IFT88: variants seen among roughly 807,000 people sequenced by gnomAD.
IFT88 encodes intraflagellar transport protein 88 homolog.
In IFT88, 74 loss-of-function variants were observed where a neutral mutation model predicts 119.5. That is an observed-to-expected ratio of 0.62 (90% CI 0.51 to 0.75). IFT88 has a LOEUF of 0.75. Among genes scored for constraint, IFT88 ranks in the 30% least tolerant of loss-of-function variants. The pLI, the probability that IFT88 is intolerant of heterozygous loss-of-function variation, is 0.00. For synonymous variants in IFT88, 279 were observed against 316.7 expected, an observed-to-expected ratio of 0.88 and a Z score of 1.26; for missense variants, 961 against 977.7, an observed-to-expected ratio of 0.98 and a Z score of 0.23.
intron 1 of IFT88, chr13:20,567,897 G>C: frequency 1.6e-6 from 1 of 635,028 alleles, no homozygotes; most frequent in Non-Finnish European, 2.7e-6. Context: ...ACTGCAGTAG[G>C]CTTCTTGGAA....
At chr13:20,601,377 A>G (rs2042571774) in intron 11 of IFT88, among the ~76,000 whole-genome samples, 1 of 152,140 alleles carries the variant, frequency 6.6e-6, no homozygotes, top group African/African-American at 2.4e-5. Flanking sequence ...AAAAAAAAAA[A>G]AAAGACTAAT....
intron 13 of IFT88, among the ~76,000 whole-genome samples, chr13:20,611,708 G>A (rs879261315): frequency 1.3e-5 from 2 of 151,916 alleles, no homozygotes; most frequent in African/African-American, 2.4e-5. Context: ...GGGTTCGAGC[G>A]ATTCCCCTGC....
At chr13:20,586,521 G>C (rs1381161778) in intron 3 of IFT88, among the ~76,000 whole-genome samples, 2 of 125,896 alleles carry the variant, frequency 1.6e-5, no homozygotes, top group Non-Finnish European at 3.4e-5. Context: ...GGGATATGTA[G>C]AATTGAGATT....
rs1029915936 is a variant in IFT88, at chr13:20,661,692, G to A, written c.2069-1806G>A. Among the ~76,000 whole-genome samples the A allele has an allele frequency of 4.6e-5, 7 of 151,478 alleles. No individual in the cohort carries two copies. The South Asian group carries it at 6.2e-4, about 14-fold the overall frequency. ...AGAGGTTGCAGTGAGCTGATATTGC[G>A]CCAGTGCACTCCAGCCCAGGTGACA... is the stretch of plus-strand genomic sequence containing the variant. On this transcript the variant is annotated intron_variant, in intron 22 of 25. Transcript: ENST00000351808.
intron 1 of IFT88, among the ~76,000 whole-genome samples, 166 bp from the exon 2 acceptor site, chr13:20,574,214 G>A (rs1234473733): frequency 6.6e-6 from 1 of 152,126 alleles, no homozygotes; most frequent in Non-Finnish European, 1.5e-5. Context: ...ATAGTACCAG[G>A]GAGGCTGAGG....
At chr13:20,614,758 A>G (rs1021454332) in intron 13 of IFT88, among the ~76,000 whole-genome samples, 2 of 152,166 alleles carry the variant, frequency 1.3e-5, no homozygotes, top group African/African-American at 4.8e-5. Context: ...CTCAAAATAA[A>G]GTTCAAAAGA....
intron 1 of IFT88, chr13:20,567,882 G>C (rs1466802886): frequency 5.0e-6 from 3 of 599,026 alleles, no homozygotes; most frequent in South Asian, 4.0e-5. Flanking sequence ...TTTTTTTTTC[G>C]AGAAACTGCA....
Position 20,636,023 on chromosome 13 carries a change from T to G in IFT88, c.1387-2309T>G, listed in dbSNP as rs1325516352. On this transcript the variant is annotated intron_variant, in intron 16 of 25. Coordinates refer to ENST00000351808, the MANE Select transcript of IFT88 (RefSeq NM_006531.5). Reference sequence around the variant, plus strand: ...TTCATTTTGGACTATATCTGTCCCTTTAATCCAAACTAGCAACAGTCAGCA... The same window carrying G: ...TTCATTTTGGACTATATCTGTCCCTGTAATCCAAACTAGCAACAGTCAGCA... Among the ~76,000 whole-genome samples, 6 of 152,326 alleles carry G rather than the reference T, an allele frequency of 3.9e-5. No individual in the cohort carries two copies. The East Asian group carries it at 9.6e-4, about 24-fold the overall frequency.
At chr13:20,603,556 A>G (rs2042954807) in intron 12 of IFT88, among the ~76,000 whole-genome samples, 2 of 152,134 alleles carry the variant, frequency 1.3e-5, no homozygotes, top group Non-Finnish European at 1.5e-5. Flanking sequence ...TAAGGTGAGG[A>G]TTATAGGTGA....
intron 13 of IFT88, among the ~76,000 whole-genome samples, chr13:20,613,282 G>A (rs2044930121): frequency 6.6e-6 from 1 of 152,028 alleles, no homozygotes; most frequent in Non-Finnish European, 1.5e-5. Flanking sequence ...CAAAAGATAT[G>A]AATAGATATT....
chr13:20,587,223 A>G (rs534601346), intron 3 of IFT88, among the ~76,000 whole-genome samples: 110 of 151,840 alleles, frequency 7.2e-4, no homozygotes, highest in South Asian at 2.1e-3. Flanking sequence ...TAGATGTTCA[A>G]TATTTTTACT....
chr13:20,613,718 A>C (rs981197282), intron 13 of IFT88, among the ~76,000 whole-genome samples: 2 of 152,160 alleles, frequency 1.3e-5, no homozygotes, highest in African/African-American at 4.8e-5. Flanking sequence ...TATATGGTCT[A>C]TCCATAATAT....
intron 7 of IFT88, among the ~76,000 whole-genome samples, chr13:20,594,085 C>A (rs572928998): frequency 6.6e-6 from 1 of 151,718 alleles, no homozygotes; most frequent in South Asian, 2.1e-4. Context: ...AAGACATATA[C>A]ATAATTAACA....
intron 14 of IFT88, among the ~76,000 whole-genome samples, chr13:20,620,707 A>T (rs532887695): frequency 5.3e-5 from 8 of 152,132 alleles, no homozygotes; most frequent in African/African-American, 1.9e-4. Context: ...CTGGGACTAC[A>T]GGCGCCTGCC....
At chr13:20,665,541 G>A (rs765165543) in intron 23 of IFT88, among the ~76,000 whole-genome samples, 2 of 152,164 alleles carry the variant, frequency 1.3e-5, no homozygotes, top group Non-Finnish European at 2.9e-5. Flanking sequence ...ATTGACAAAA[G>A]TCAACAAAAC....
At chr13:20,588,739 C>T (rs1197067379) in intron 3 of IFT88, among the ~76,000 whole-genome samples, 1 of 152,164 alleles carries the variant, frequency 6.6e-6, no homozygotes, top group Non-Finnish European at 1.5e-5. Context: ...TTATCTTTCA[C>T]TGGAGAGAAT....
At chr13:20,663,752 T>G in intron 23 of IFT88, 148 bp downstream of exon 23, 1 of 623,636 alleles carries the variant, frequency 1.6e-6, no homozygotes, top group East Asian at 2.8e-5. Context: ...TAACTAAAAC[T>G]CTAGTTTGAG....
In IFT88 at chr13:20,621,630, C is replaced by T. The variant is rs143877062; in HGVS notation, c.1200-4120C>T. On this transcript the variant is annotated intron_variant, in intron 14 of 25. Coordinates refer to ENST00000351808, the MANE Select transcript of IFT88 (RefSeq NM_006531.5). ...GTTTTAGTTTCTTAGCATAATTGAACAGAATGTACAGAGTTTCCATATATT... is the reference window on the plus strand; with the variant it reads ...GTTTTAGTTTCTTAGCATAATTGAATAGAATGTACAGAGTTTCCATATATT... Among the ~76,000 whole-genome samples the T allele has an allele frequency of 9.5e-5, 14 of 148,074 alleles. No homozygotes were observed. In the East Asian group the frequency reaches 1.9e-3, roughly 20 times the overall value.
At chr13:20,608,881 T>C (rs1367648842) in intron 13 of IFT88, among the ~76,000 whole-genome samples, 4 of 152,214 alleles carry the variant, frequency 2.6e-5, no homozygotes, top group Admixed American at 2.6e-4. Flanking sequence ...AAAGGGAAAC[T>C]GCTCTCTCTC....
Sources: allele counts gnomAD v4.1 joint callset (sites outside exome capture counted in the v4.1 genomes callset), GRCh38; gene constraint gnomAD v4.1.1; transcripts MANE v1.5; gene names NCBI Gene and HGNC (gene_info 2026-07-23, HGNC 2026-07-21).